Variants in TPCN1 observed in about 807,000 individuals in gnomAD.
TPCN1 encodes two pore channel protein 1.
In TPCN1, 52 loss-of-function variants were observed where a neutral mutation model predicts 108.8. The ratio of observed to expected loss-of-function variants is 0.48; its 90% CI spans 0.38 to 0.60. The LOEUF (loss-of-function observed/expected upper bound fraction) is 0.60, where lower values mean the gene tolerates loss of function less well. TPCN1 is among the 20% of genes least tolerant of loss of function. The probability of loss-of-function intolerance (pLI) is 0.00; values close to 1 mark genes in which losing one functional copy is unlikely to be tolerated. For missense variants in TPCN1, 806 were observed against 1,072.8 expected (o/e 0.75, Z 3.47); for synonymous variants, 446 against 433.7 (o/e 1.03, Z -0.35).
intron 2 of TPCN1, among the ~76,000 whole-genome samples, chr12:113,237,052 G>A (rs1362366046): frequency 6.6e-6 from 1 of 152,212 alleles, no homozygotes; most frequent in Non-Finnish European, 1.5e-5. Context: ...CATGGGAGCT[G>A]CTAAATGTGT....
chr12:113,245,364 G>A (rs370712190), intron 2 of TPCN1, among the ~76,000 whole-genome samples: 3 of 121,300 alleles, frequency 2.5e-5, no homozygotes, highest in African/African-American at 6.9e-5. Context: ...TTGGGAGGCC[G>A]AGGCGGGCGG....
rs1266042115 is a variant in TPCN1 at position 113,285,932 on chromosome 12, T to C, written c.1497T>C (p.Pro499=). Residue 499 remains proline, a synonymous_variant, in exon 18 of 28, where the codon CCT becomes CCC. Transcript: ENST00000335509. ...ELFLKVAGLG[P]VEYLSSGWNL... Reference sequence around the variant, plus strand: ...TCCTGAAGGTTGCCGGCCTGGGCCCTGTGGAGTACTTGTCTTCCGGATGGA... The same window carrying C: ...TCCTGAAGGTTGCCGGCCTGGGCCCCGTGGAGTACTTGTCTTCCGGATGGA... 3 of 1,614,180 alleles carry C rather than the reference T, an allele frequency of 1.9e-6. No individual in the cohort carries two copies. Among genetic ancestry groups the C allele is most frequent in the Non-Finnish European group, 2.5e-6 (3 of 1,180,012 alleles).
intron 12 of TPCN1, 69 bp downstream of exon 12, chr12:113,277,433 A>G: frequency 6.3e-7 from 1 of 1,595,488 alleles, no homozygotes; most frequent in Non-Finnish European, 8.6e-7. Flanking sequence ...GAACGGGGGC[A>G]TGTGAAGGCC....
chr12:113,280,567 AT>A (rs1955852549), intron 15 of TPCN1, among the ~76,000 whole-genome samples: 1 of 152,146 alleles, frequency 6.6e-6, no homozygotes, highest in African/African-American at 2.4e-5. Context: ...TTTTCCTGGA[AT>A]TTGGTAGTTC....
At chr12:113,290,861 A>G in intron 22 of TPCN1, 91 bp from the exon 23 acceptor site, 1 of 1,246,506 alleles carries the variant, frequency 8.0e-7, no homozygotes, top group East Asian at 2.3e-5. Context: ...ATCTTAGCAC[A>G]TGGCACCCAG....
In TPCN1 at chr12:113,266,384, G is replaced by C. The variant is rs1196830196; in HGVS notation, c.414+28G>C. The C allele has an allele frequency of 1.3e-6, 2 of 1,597,124 alleles. No individual in the cohort carries two copies. Among genetic ancestry groups the C allele is most frequent in the East Asian group, 2.2e-5 (1 of 44,774 alleles). On this transcript the variant is annotated intron_variant, in intron 4 of 27. Coordinates refer to ENST00000335509, the MANE Select transcript of TPCN1 (RefSeq NM_017901.6). The surrounding 1 kb of genome is among the most constrained non-coding windows in gnomAD (Gnocchi z 4.2). ...GAGCGCACATGCTCCTCATACGGGG[G>C]GCTGGGAGCCACGGCTTTCAGGGCA...
In TPCN1 at chr12:113,288,507, C is replaced by T; in HGVS notation, c.1707-251C>T. 1 of 1,500,356 alleles carries T rather than the reference C, an allele frequency of 6.7e-7. No homozygotes were observed. The highest frequency in any genetic ancestry group is 8.9e-7 in the Non-Finnish European group (1 of 1,127,628). 92.9% of individuals were successfully genotyped at this position (1,500,356 alleles called of 1,614,324 possible). ...TCTACATTCACAGGTAAGGGGTCAC[C>T]TGTGAGTCTACCTTCACAGGTAAGG... On this transcript the variant is annotated intron_variant, in intron 20 of 27. Coordinates refer to ENST00000335509, the MANE Select transcript of TPCN1 (RefSeq NM_017901.6). The surrounding 1 kb of genome is among the most constrained non-coding windows in gnomAD (Gnocchi z 4.8).
intron 7 of TPCN1, among the ~76,000 whole-genome samples, chr12:113,270,373 G>A (rs1167198114): frequency 6.6e-6 from 1 of 152,184 alleles, no homozygotes; most frequent in East Asian, 1.9e-4. Context: ...AGCTGTGGGT[G>A]TCTGTTGAGG....
intron 19 of TPCN1, among the ~76,000 whole-genome samples, chr12:113,287,642 G>A (rs1329723996): frequency 6.6e-6 from 1 of 152,196 alleles, no homozygotes; most frequent in East Asian, 1.9e-4. Context: ...ATCCACGTCC[G>A]CCCCATCCTC....
At chr12:113,283,636 A>G (rs550019977) in intron 15 of TPCN1, among the ~76,000 whole-genome samples, 1 of 152,052 alleles carries the variant, frequency 6.6e-6, no homozygotes, top group African/African-American at 2.4e-5. Flanking sequence ...CCTGTCTTAA[A>G]AAAAAAAAAG....
chr12:113,221,860 C>T (rs891711959), intron 1 of TPCN1, among the ~76,000 whole-genome samples: 2 of 152,170 alleles, frequency 1.3e-5, no homozygotes, highest in Admixed American at 1.3e-4. Flanking sequence ...ACGTGGGCTC[C>T]CAGCCAGGGG....
chr12:113,225,164 G>A (rs543564952), intron 1 of TPCN1: 44 of 426,166 alleles, frequency 1.0e-4, no homozygotes, highest in Admixed American at 8.2e-4. Flanking sequence ...AAGTGTTTCC[G>A]TCACCTCAGC....
intron 2 of TPCN1, among the ~76,000 whole-genome samples, chr12:113,228,286 C>T (rs1366897697): frequency 1.3e-5 from 2 of 152,168 alleles, no homozygotes; most frequent in Non-Finnish European, 2.9e-5. Flanking sequence ...GCTCCTCCCT[C>T]TCCTTTTTTC....
chr12:113,226,876 C>T lies in TPCN1; in HGVS notation c.24C>T (p.Asp8=), dbSNP rs779288626. ...ACATGGCTGTGAGTTTGGATGACGA[C>T]GTGCCGCTCATCCTGACCTTGGATG... MAVSLDD[D]VPLILTLDEG... The change falls in exon 2 of 28, where the codon GAC becomes GAT. Residue 8 remains aspartate (D), a synonymous_variant. Transcript: ENST00000335509. 6.2e-6 allele frequency: 10 copies of T among 1,614,144 alleles called. No individual in the cohort carries two copies. Among genetic ancestry groups the T allele is most frequent in the Admixed American group, 5.0e-5 (3 of 60,030 alleles).
In TPCN1 at chr12:113,289,387, A is replaced by C. The variant is rs1228252703; in HGVS notation, c.1796+540A>C. Among the ~76,000 whole-genome samples, 1 of 152,186 alleles carries C rather than the reference A, an allele frequency of 6.6e-6. No homozygotes were observed. The highest frequency in any genetic ancestry group is 1.5e-5 in the Non-Finnish European group (1 of 68,030). On this transcript the variant is annotated intron_variant, in intron 21 of 27. Coordinates refer to ENST00000335509, the MANE Select transcript of TPCN1 (RefSeq NM_017901.6). This position sits in a 1 kb window ranked among gnomAD's most constrained non-coding sequence, Gnocchi z 4.1. The stretch of plus-strand genomic sequence containing the variant: ...TCTTACATTTGGTCTTTACAGCCTC[A>C]AGCACCGATGAAGAAACAGTTTTAC...
chr12:113,257,488 C>CAAA (rs77052703), intron 2 of TPCN1, among the ~76,000 whole-genome samples: 2,053 of 96,694 alleles, frequency 0.021, 69 homozygotes, highest in East Asian at 0.16. Context: ...GAGACCGTCT[C>CAAA]AAAAAAAAAA....
chr12:113,239,198 G>C lies in TPCN1; in HGVS notation c.112+12234G>C, dbSNP rs144422694. Among the ~76,000 whole-genome samples the C allele has an allele frequency of 6.9e-3, 1,056 of 152,280 alleles. 6 individuals are homozygous for C. The highest frequency in any genetic ancestry group is 0.023 in the African/African-American group (966 of 41,560). On this transcript the variant is annotated intron_variant, in intron 2 of 27. Coordinates refer to ENST00000335509, the MANE Select transcript of TPCN1 (RefSeq NM_017901.6). ...AGGTGGGAGGGCTAAGTTTGGCAAA[G>C]AATCCTTTCGTAGTATGAATAATAC...
At chr12:113,258,169 A>T (rs1015389041) in intron 2 of TPCN1, among the ~76,000 whole-genome samples, 21 of 152,318 alleles carry the variant, frequency 1.4e-4, no homozygotes, top group Admixed American at 9.2e-4. Context: ...AACTGTTTTT[A>T]AAAATGGGTA....
At chr12:113,278,312 C>T in intron 13 of TPCN1, 75 bp downstream of exon 13, 5 of 1,334,228 alleles carry the variant, frequency 3.7e-6, no homozygotes, top group Non-Finnish European at 5.4e-6. Flanking sequence ...GCAGGGGCAC[C>T]CCGAGATCCA....
Sources: allele counts gnomAD v4.1 joint callset (sites outside exome capture counted in the v4.1 genomes callset), GRCh38; gene constraint gnomAD v4.1.1; non-coding constraint Gnocchi (gnomAD v3.1); transcripts MANE v1.5; gene names NCBI Gene and HGNC (gene_info 2026-07-23, HGNC 2026-07-21).